Variants in TTBK1 observed in about 807,000 individuals in gnomAD.
TTBK1 encodes tau-tubulin kinase 1.
Under a neutral mutation model 108.5 loss-of-function variants are expected in TTBK1, and 34 were observed. The ratio of observed to expected loss-of-function variants is 0.31; its 90% CI spans 0.24 to 0.42. The LOEUF is 0.42. Ranked by LOEUF, TTBK1 falls within the 10% of genes least tolerant of loss-of-function variation. The pLI, the probability that TTBK1 is intolerant of heterozygous loss-of-function variation, is 1.00. For synonymous variants in TTBK1, 809 were observed against 795.1 expected (o/e 1.02, Z -0.29); for missense variants, 1,539 against 1,826.0 (o/e 0.84, Z 2.86).
chr6:43,282,801 C>A lies in TTBK1; in HGVS notation c.2061C>A (p.Asp687Glu). 2 of 1,614,032 alleles carry A rather than the reference C, an allele frequency of 1.2e-6. No individual in the cohort carries two copies. Among genetic ancestry groups the A allele is most frequent in the Non-Finnish European group, 1.7e-6 (2 of 1,180,000 alleles). Residue 687 changes from aspartate to glutamate, a missense_variant, in exon 14 of 15, where the codon GAC becomes GAA. Coordinates refer to ENST00000259750, the MANE Select transcript of TTBK1 (RefSeq NM_032538.3). The surrounding 1 kb of genome is among the most constrained non-coding windows in gnomAD (Gnocchi z 5.4). ...RAVPLSLPYQDFKRDLSDYRE... is the reference protein window; with the variant it reads ...RAVPLSLPYQEFKRDLSDYRE... ...TGCCTCTGAGTCTGCCCTACCAGGA[C>A]TTCAAAAGAGACCTCTCCGATTACC...
chr6:43,262,874 G>A lies in TTBK1; in HGVS notation c.1510G>A (p.Ala504Thr). ...AQMLSVDTGH[A>T]DRQASGRMDV... The stretch of plus-strand genomic sequence containing the variant: ...GATGCTGTCAGTGGACACAGGCCAC[G>A]CTGACCGACAGGCCAGTGGCCGCAT... The change falls in exon 13 of 15, where the codon GCT (alanine) becomes ACT (threonine). Residue 504 changes from alanine (A) to threonine (T), a missense_variant. Transcript: ENST00000259750. 2 of 1,612,938 alleles carry A rather than the reference G, an allele frequency of 1.2e-6. No individual in the cohort carries two copies. Among genetic ancestry groups the A allele is most frequent in the Non-Finnish European group, 1.7e-6 (2 of 1,179,580 alleles).
At chr6:43,261,563 C>G (rs1023045521) in intron 12 of TTBK1, among the ~76,000 whole-genome samples, 1 of 152,054 alleles carries the variant, frequency 6.6e-6, no homozygotes, top group Non-Finnish European at 1.5e-5. Flanking sequence ...GTCTGTAATC[C>G]CAGCACTTTG....
intron 5 of TTBK1, 149 bp from the exon 6 acceptor site, chr6:43,254,398 G>A: frequency 1.8e-6 from 1 of 550,086 alleles, no homozygotes; most frequent in South Asian, 2.7e-5. Flanking sequence ...GTGACCTGAT[G>A]CACACATGTG....
At chr6:43,275,280 A>AC (rs1038134625) in intron 13 of TTBK1, among the ~76,000 whole-genome samples, 3 of 149,750 alleles carry the variant, frequency 2.0e-5, no homozygotes, top group Non-Finnish European at 4.5e-5. Context: ...GGCGCCCTGC[A>AC]CCCCCCGCCG....
Position 43,253,144 on chromosome 6 carries a change from G to A in TTBK1, c.257-147G>A. 1.0e-6 allele frequency: 1 copy of A among 962,578 alleles called. No individual in the cohort carries two copies. The highest frequency in any genetic ancestry group is 1.6e-6 in the Non-Finnish European group (1 of 611,788). 59.6% of individuals were successfully genotyped at this position (962,578 alleles called of 1,614,324 possible). On this transcript the variant is annotated intron_variant, in intron 3 of 14. Coordinates refer to ENST00000259750, the MANE Select transcript of TTBK1 (RefSeq NM_032538.3). This position sits in a 1 kb window ranked among gnomAD's most constrained non-coding sequence, Gnocchi z 5.8. ...AGCTGGAGTCTAGGAGACATGATGA[G>A]GCTAGGGCCAGGGAGGTGGCAAGAC...
At position 43,285,159 on chromosome 6, in the gene TTBK1, G is replaced by A. The variant is rs1291052414; in HGVS notation, c.3749G>A (p.Arg1250Gln). ...SAARNASASP[R>Q]SQSLSRRESP... ...GCGCGCAATGCCAGCGCGTCCCCCC[G>A]GAGCCAGTCCCTGTCCCGCAGAGAG... The change falls in exon 15 of 15, where the codon CGG becomes CAG. Residue 1250 changes from arginine (R) to glutamine (Q), a missense_variant. Arg to Gln is a conservative substitution (Grantham distance 43). Transcript: ENST00000259750. The surrounding 1 kb of genome is among the most constrained non-coding windows in gnomAD (Gnocchi z 4.7). The A allele has an allele frequency of 2.8e-6, 4 of 1,419,324 alleles. No individual in the cohort carries two copies. Among genetic ancestry groups the A allele is most frequent in the African/African-American group, 3.0e-5 (2 of 66,364 alleles). 87.9% of individuals were successfully genotyped at this position (1,419,324 alleles called of 1,614,324 possible).
intron 12 of TTBK1, among the ~76,000 whole-genome samples, chr6:43,261,653 A>G (rs1021008191): frequency 6.6e-6 from 1 of 152,054 alleles, no homozygotes; most frequent in Non-Finnish European, 1.5e-5. Flanking sequence ...CATCTCTACT[A>G]AAAATACAAA....
At chr6:43,264,718 G>A (rs531219922) in intron 13 of TTBK1, among the ~76,000 whole-genome samples, 1 of 152,300 alleles carries the variant, frequency 6.6e-6, no homozygotes, top group East Asian at 1.9e-4. Flanking sequence ...GGGCAGCAGG[G>A]AGGAGTGGGA....
chr6:43,271,479 A>C (rs886542467), intron 13 of TTBK1: 27 of 985,276 alleles, frequency 2.7e-5, no homozygotes, highest in Non-Finnish European at 7.2e-6. Flanking sequence ...CTATGCAGTC[A>C]TTGGTAGTTT....
chr6:43,248,773 G>A (rs904234368), intron 2 of TTBK1, among the ~76,000 whole-genome samples: 5 of 152,116 alleles, frequency 3.3e-5, no homozygotes, highest in East Asian at 1.9e-4. Context: ...CAGGAGGATC[G>A]CTTGAGCCCA....
At position 43,282,777 on chromosome 6, in the gene TTBK1, G is replaced by A. The variant is rs55968848; in HGVS notation, c.2037G>A (p.Val679=). 3,765 of 1,613,718 alleles carry A rather than the reference G, an allele frequency of 2.3e-3. 53 individuals are homozygous for A. The African/African-American group carries it at 0.041, about 18-fold the overall frequency. ...PFEVNGLPRA[V]PLSLPYQDFK... The stretch of plus-strand genomic sequence containing the variant: ...AGGTGAATGGCCTCCCACGAGCTGT[G>A]CCTCTGAGTCTGCCCTACCAGGACT... The change falls in exon 14 of 15, where the codon GTG becomes GTA. Residue 679 remains valine (V), a synonymous_variant. Transcript: ENST00000259750. The surrounding 1 kb of genome is among the most constrained non-coding windows in gnomAD (Gnocchi z 5.4).
In TTBK1 at chr6:43,262,906, G is replaced by C; in HGVS notation, c.1542G>C (p.Val514=). The C allele has an allele frequency of 1.2e-6, 2 of 1,613,972 alleles. No individual in the cohort carries two copies. The highest frequency in any genetic ancestry group is 1.7e-6 in the Non-Finnish European group (2 of 1,179,952). The part of the protein sequence containing the change: ...ADRQASGRMD[V]SASVEQEALS... ...GACAGGCCAGTGGCCGCATGGACGT[G>C]TCAGCCTCTGTGGAGCAGGAGGCCC... The change falls in exon 13 of 15, where the codon GTG becomes GTC. Residue 514 remains valine (V), a synonymous_variant. Transcript: ENST00000259750.
intron 13 of TTBK1, among the ~76,000 whole-genome samples, chr6:43,264,264 T>A (rs1423385256): frequency 1.3e-5 from 2 of 152,006 alleles, no homozygotes; most frequent in Non-Finnish European, 2.9e-5. Context: ...CTGCCTGTAA[T>A]CCCAGCTACT....
At position 43,255,110 on chromosome 6, in the gene TTBK1, A is replaced by G. The variant is rs1008429710; in HGVS notation, c.638A>G (p.Asn213Ser). 6.5e-7 allele frequency: 1 copy of G among 1,534,204 alleles called. No individual in the cohort carries two copies. The highest frequency in any genetic ancestry group is 8.8e-7 in the Non-Finnish European group (1 of 1,133,340). Residue 213 changes from asparagine to serine, a missense_variant, in exon 7 of 15, where the codon AAC becomes AGC. Physicochemically the swap from Asn to Ser is conservative, Grantham distance 46 (BLOSUM62 1). Coordinates refer to ENST00000259750, the MANE Select transcript of TTBK1 (RefSeq NM_032538.3). ...TATGCCTCAGTCAATGCCCACAAGA[A>G]CCGGGTGAGTGGCAAAGCCCGGGAT... ...VRYASVNAHKNREMGRHDDLW... is the reference protein window; with the variant it reads ...VRYASVNAHKSREMGRHDDLW...
At chr6:43,271,362 A>C in intron 13 of TTBK1, 1 of 985,404 alleles carries the variant, frequency 1.0e-6, no homozygotes, top group Non-Finnish European at 1.2e-6. Context: ...GTGTAATTCC[A>C]GGAAGTGCCA....
Position 43,263,464 on chromosome 6 carries a change from G to A in TTBK1, c.1986+114G>A. On this transcript the variant is annotated intron_variant, in intron 13 of 14. Coordinates refer to ENST00000259750, the MANE Select transcript of TTBK1 (RefSeq NM_032538.3). The surrounding 1 kb of genome is among the most constrained non-coding windows in gnomAD (Gnocchi z 4.7). Reference sequence around the variant, plus strand: ...ACTGACCAGTAAGCCAGCAGTCACAGGGCTGTGATGGAGGTAGACAGGCTT... The same window carrying A: ...ACTGACCAGTAAGCCAGCAGTCACAAGGCTGTGATGGAGGTAGACAGGCTT... 1 of 1,045,580 alleles carries A rather than the reference G, an allele frequency of 9.6e-7. No individual in the cohort carries two copies. The highest frequency in any genetic ancestry group is 1.3e-6 in the Non-Finnish European group (1 of 765,908). 64.8% of individuals were successfully genotyped at this position (1,045,580 alleles called of 1,614,324 possible).
At position 43,259,105 on chromosome 6, in the gene TTBK1, G is replaced by A. The variant is rs750989764; in HGVS notation, c.1084G>A (p.Glu362Lys). 1 of 1,614,028 alleles carries A rather than the reference G, an allele frequency of 6.2e-7. No homozygotes were observed. ...GAACACCGAGGATGTGCTACAGGGAGAGCACCTGAGTGACCAGGAGAATGC... is the reference window on the plus strand; with the variant it reads ...GAACACCGAGGATGTGCTACAGGGAAAGCACCTGAGTGACCAGGAGAATGC... The part of the protein sequence containing the change: ...RENTEDVLQG[E>K]HLSDQENAPP... Residue 362 changes from glutamate (E) to lysine (K), a missense_variant, in exon 11 of 15, where the codon GAG becomes AAG. Glu to Lys is a moderately conservative substitution (Grantham distance 56). Coordinates refer to ENST00000259750, the MANE Select transcript of TTBK1 (RefSeq NM_032538.3). The surrounding 1 kb of genome is among the most constrained non-coding windows in gnomAD (Gnocchi z 6.7).
chr6:43,250,163 G>T (rs1407726650), intron 2 of TTBK1, among the ~76,000 whole-genome samples: 2 of 152,042 alleles, frequency 1.3e-5, no homozygotes, highest in East Asian at 3.9e-4. Context: ...TGGGAAGTAG[G>T]TGTCATAAAT....
In TTBK1 at chr6:43,283,306, G is replaced by A. The variant is rs958555459; in HGVS notation, c.2566G>A (p.Asp856Asn). ...GCCCGTCACTGCCGAACTGGCCCCC[G>A]ACCCCGACCTGGGCACCCTGGCTGC... is the stretch of plus-strand genomic sequence containing the variant. The part of the protein sequence containing the change: ...KSPVTAELAP[D>N]PDLGTLAALT... The change falls in exon 14 of 15, where the codon GAC becomes AAC. Residue 856 changes from aspartate (D) to asparagine (N), a missense_variant. Coordinates refer to ENST00000259750, the MANE Select transcript of TTBK1 (RefSeq NM_032538.3). This position sits in a 1 kb window ranked among gnomAD's most constrained non-coding sequence, Gnocchi z 8.1. The A allele has an allele frequency of 7.6e-6, 12 of 1,577,356 alleles. No homozygotes were observed. Among genetic ancestry groups the A allele is most frequent in the Admixed American group, 5.5e-5 (3 of 54,786 alleles).
Sources: gnomAD v4.1 joint callset for allele counts (sites outside exome capture counted in the v4.1 genomes callset) on GRCh38, gnomAD v4.1.1 for gene constraint, Gnocchi (gnomAD v3.1) non-coding constraint, MANE v1.5 for transcripts, NCBI Gene and HGNC (gene_info 2026-07-23, HGNC 2026-07-21) for gene names.